Variants in KIAA1217 observed in about 807,000 individuals in gnomAD.
KIAA1217 encodes the protein KIAA1217.
In KIAA1217, 88 loss-of-function variants were observed where a neutral mutation model predicts 163.9. That is an observed-to-expected ratio of 0.54 (90% CI 0.45 to 0.64). The LOEUF (loss-of-function observed/expected upper bound fraction) is 0.64. Ranked by LOEUF, KIAA1217 falls within the 30% of genes least tolerant of loss-of-function variation. KIAA1217 has a pLI of 0.00. For synonymous variants in KIAA1217, 903 were observed against 923.1 expected, an observed-to-expected ratio of 0.98 and a Z score of 0.39; for missense variants, 2,372 against 2,475.0, an observed-to-expected ratio of 0.96 and a Z score of 0.88.
rs867288116 is a variant in KIAA1217 at position 24,134,748 on chromosome 10, T to A, written c.-170-84878T>A. Among the ~76,000 whole-genome samples the A allele has an allele frequency of 4.6e-4, 70 of 152,180 alleles. 1 individual carries two copies. Among genetic ancestry groups the A allele is most frequent in the African/African-American group, 1.7e-3 (69 of 41,528 alleles). ...GCCACCACACCTAGCTAATCTTTTT[T>A]ATATATTTTGTAGAGACAGGGTCTC... is the stretch of plus-strand genomic sequence containing the variant. On this transcript the variant is annotated intron_variant, in intron 2 of 18. Transcript: ENST00000376462.
At chr10:24,495,782 T>A (rs1027308038) in intron 8 of KIAA1217, among the ~76,000 whole-genome samples, 2 of 152,204 alleles carry the variant, frequency 1.3e-5, no homozygotes, top group African/African-American at 4.8e-5. Flanking sequence ...CAATAAGGAA[T>A]GACCAGTGTC....
chr10:24,547,386 G>C lies in KIAA1217; in HGVS notation c.*1062G>C, dbSNP rs973960713. 1 of 152,598 alleles carries C rather than the reference G, an allele frequency of 6.6e-6. No individual in the cohort carries two copies. Among genetic ancestry groups the C allele is most frequent in the Non-Finnish European group, 1.5e-5 (1 of 68,044 alleles). 9.5% of individuals were successfully genotyped at this position (152,598 alleles called of 1,614,324 possible). A position where few individuals can be genotyped will look rare whatever the true frequency, so the allele number is the denominator to read the frequency against. On this transcript the variant is annotated 3_prime_UTR_variant, in exon 21 of 21. Coordinates refer to ENST00000376454, the MANE Select transcript of KIAA1217 (RefSeq NM_019590.5). The stretch of plus-strand genomic sequence containing the variant: ...AAAAAGCAACAAGTTTGCACAGCTA[G>C]AGTGTTTTTGTAAATAAATGTATTT...
chr10:24,210,526 C>T (rs2067949784), intron 1 of KIAA1217, among the ~76,000 whole-genome samples: 1 of 145,094 alleles, frequency 6.9e-6, no homozygotes, highest in Non-Finnish European at 1.5e-5. Flanking sequence ...AACCTCTGGG[C>T]CTGTCCTGAA....
At chr10:24,024,602 T>G (rs1415433451) in intron 2 of KIAA1217, among the ~76,000 whole-genome samples, 1 of 151,684 alleles carries the variant, frequency 6.6e-6, no homozygotes, top group Non-Finnish European at 1.5e-5. Context: ...AATTGCTGGG[T>G]CATAAATAAA....
intron 2 of KIAA1217, among the ~76,000 whole-genome samples, chr10:24,273,162 T>C (rs990949379): frequency 2.6e-5 from 4 of 152,206 alleles, no homozygotes; most frequent in East Asian, 1.9e-4. Context: ...GCCCAACTCA[T>C]TGGAGACTCA....
chr10:24,055,947 A>C (rs2131590713), intron 2 of KIAA1217, among the ~76,000 whole-genome samples: 1 of 150,910 alleles, frequency 6.6e-6, no homozygotes, highest in African/African-American at 2.5e-5. Flanking sequence ...AAAGCTAAAA[A>C]CACTAAATTT....
chr10:24,390,753 C>T (rs779457855), intron 3 of KIAA1217, among the ~76,000 whole-genome samples: 15 of 152,058 alleles, frequency 9.9e-5, no homozygotes, highest in Non-Finnish European at 1.9e-4. Flanking sequence ...AAGAATTAAC[C>T]ATTGTAAGGA....
intron 1 of KIAA1217, among the ~76,000 whole-genome samples, chr10:23,974,800 A>G (rs1293460041): frequency 6.6e-6 from 1 of 152,204 alleles, no homozygotes; most frequent in Non-Finnish European, 1.5e-5. Flanking sequence ...GACGCCAGCC[A>G]TAAAGTAGGA....
At chr10:24,419,317 AACTATTAAG>A (rs1204760462) in intron 3 of KIAA1217, among the ~76,000 whole-genome samples, 1 of 152,042 alleles carries the variant, frequency 6.6e-6, no homozygotes, top group Non-Finnish European at 1.5e-5. Flanking sequence ...GTGGGAGGGG[AACTATTAAG>A]ACAGCTCTCT....
intron 1 of KIAA1217, among the ~76,000 whole-genome samples, chr10:23,933,282 G>C (rs573773353): frequency 8.5e-5 from 13 of 152,286 alleles, no homozygotes; most frequent in African/African-American, 3.1e-4. Context: ...AAAAACTTCA[G>C]AGGACAATGC....
chr10:24,326,404 G>A (rs1216276938), intron 2 of KIAA1217, among the ~76,000 whole-genome samples: 1 of 152,048 alleles, frequency 6.6e-6, no homozygotes. Flanking sequence ...AAAGTCGATG[G>A]CAAAATACTT....
intron 1 of KIAA1217, among the ~76,000 whole-genome samples, chr10:23,956,272 C>A (rs1844553018): frequency 6.6e-6 from 1 of 152,148 alleles, no homozygotes; most frequent in Non-Finnish European, 1.5e-5. Context: ...TTACCTCTCA[C>A]CCCAAATTTA....
At chr10:24,152,417 C>A (rs2064663092) in intron 2 of KIAA1217, among the ~76,000 whole-genome samples, 1 of 152,162 alleles carries the variant, frequency 6.6e-6, no homozygotes, top group Non-Finnish European at 1.5e-5. Context: ...AAAAACCTTT[C>A]CGTGTGAATC....
chr10:23,966,443 T>A (rs554747406), intron 1 of KIAA1217, among the ~76,000 whole-genome samples: 1 of 152,076 alleles, frequency 6.6e-6, no homozygotes, highest in Non-Finnish European at 1.5e-5. Context: ...CCCACCAGGG[T>A]GGGCTGCCGC....
chr10:23,966,837 A>T (rs1284947271), intron 1 of KIAA1217, among the ~76,000 whole-genome samples: 2 of 152,174 alleles, frequency 1.3e-5, no homozygotes, highest in Non-Finnish European at 2.9e-5. Context: ...TTGGGCAGGG[A>T]TTCAAATGAA....
In KIAA1217 at chr10:24,070,168, A is replaced by T. The variant is rs183069479; in HGVS notation, c.-171+62794A>T. ...GAAGTATAAAAGAGGGGTTAAAGGA[A>T]ATAAGCAATAGAGTGAGAGGTCCAA... On this transcript the variant is annotated intron_variant, in intron 2 of 18. Transcript: ENST00000376462. Among the ~76,000 whole-genome samples the T allele has an allele frequency of 5.7e-4, 87 of 152,326 alleles. No individual in the cohort carries two copies. In the East Asian group the frequency reaches 0.013, roughly 22 times the overall value.
At chr10:23,908,320 C>G (rs998417938) in intron 1 of KIAA1217, among the ~76,000 whole-genome samples, 2 of 152,012 alleles carry the variant, frequency 1.3e-5, no homozygotes, top group Admixed American at 6.6e-5. Context: ...ATTTCATCCT[C>G]TTAGCTATGC....
In KIAA1217 at chr10:23,790,141, A is replaced by G. The variant is rs1240420690; in HGVS notation, c.-321+94907A>G. ...TACACATATACACATATGCATATAC[A>G]CATATACACATATGCATATACACAT... On this transcript the variant is annotated intron_variant, in intron 1 of 18. Coordinates refer to the KIAA1217 transcript ENST00000376462. Among the ~76,000 whole-genome samples the G allele has an allele frequency of 2.1e-4, 17 of 79,974 alleles. 1 individual carries two copies. Among genetic ancestry groups the G allele is most frequent in the African/African-American group, 7.3e-4 (11 of 14,996 alleles). 52.5% of individuals were successfully genotyped at this position (79,974 alleles called of 152,430 possible).
chr10:24,337,033 A>G (rs566222017), intron 2 of KIAA1217, among the ~76,000 whole-genome samples: 46 of 152,342 alleles, frequency 3.0e-4, no homozygotes, highest in African/African-American at 1.1e-3. Flanking sequence ...AACAAAACAC[A>G]GGCGACAAAA....
Sources: allele counts gnomAD v4.1 joint callset (sites outside exome capture counted in the v4.1 genomes callset), GRCh38; gene constraint gnomAD v4.1.1; transcripts MANE v1.5; gene names NCBI Gene and HGNC (gene_info 2026-07-23, HGNC 2026-07-21).